The following C8orf34 variants were observed in gnomAD, a reference collection of about 807,000 sequenced individuals.
C8orf34 encodes chromosome 8 open reading frame 34.
C8orf34 carries 65 observed loss-of-function variants against 68.3 expected under a neutral mutation model. The observed-to-expected ratio is 0.95, with a 90% CI of 0.78 to 1.17. The LOEUF is 1.17. C8orf34 is among the 50% of genes most tolerant of loss of function. The pLI is 0.00. For synonymous variants in C8orf34, 244 were observed against 241.2 expected (o/e 1.01, Z -0.11); for missense variants, 664 against 655.4 (o/e 1.01, Z -0.14).
At chr8:68,807,603 G>A (rs1824523899) in intron 12 of C8orf34, among the ~76,000 whole-genome samples, 1 of 152,020 alleles carries the variant, frequency 6.6e-6, no homozygotes, top group African/African-American at 2.4e-5. Context: ...TGTGATTCCT[G>A]TGGGTGTTTC....
At chr8:68,372,601 C>T (rs1480710967) in intron 1 of C8orf34, among the ~76,000 whole-genome samples, 2 of 152,184 alleles carry the variant, frequency 1.3e-5, no homozygotes, top group East Asian at 3.8e-4. Flanking sequence ...TCCCTAGGAG[C>T]ATAACTTACT....
At chr8:68,334,838 C>G (rs192288029) in intron 1 of C8orf34, among the ~76,000 whole-genome samples, 1 of 152,296 alleles carries the variant, frequency 6.6e-6, no homozygotes, top group East Asian at 1.9e-4. Flanking sequence ...ATAAAATGGA[C>G]TTATCAAACT....
intron 7 of C8orf34, among the ~76,000 whole-genome samples, chr8:68,603,901 C>T (rs967996798): frequency 6.6e-6 from 1 of 152,014 alleles, no homozygotes; most frequent in Non-Finnish European, 1.5e-5. Context: ...ACAGTAATAT[C>T]CATGGTCTAA....
chr8:68,449,800 G>C (rs1006903625), intron 3 of C8orf34, among the ~76,000 whole-genome samples: 1 of 152,124 alleles, frequency 6.6e-6, no homozygotes, highest in Non-Finnish European at 1.5e-5. Flanking sequence ...AGATCAGGGT[G>C]TTGGCTACTG....
intron 8 of C8orf34, 35 bp from the exon 9 acceptor site, chr8:68,708,959 A>T (rs780467050): frequency 1.4e-6 from 2 of 1,437,862 alleles, no homozygotes; most frequent in Non-Finnish European, 9.7e-7. Context: ...ATTTAACATT[A>T]TGAGATGTTT....
At chr8:68,705,193 T>C (rs1270317000) in intron 8 of C8orf34, among the ~76,000 whole-genome samples, 1 of 152,162 alleles carries the variant, frequency 6.6e-6, no homozygotes, top group Non-Finnish European at 1.5e-5. Flanking sequence ...TATAAGGATT[T>C]GGGTACACCA....
chr8:68,650,672 G>T (rs975283506), intron 8 of C8orf34, among the ~76,000 whole-genome samples: 3 of 151,920 alleles, frequency 2.0e-5, no homozygotes, highest in Non-Finnish European at 2.9e-5. Context: ...GTAGAGATGG[G>T]GTTTCACCGT....
At chr8:68,504,475 C>T (rs143317267) in intron 5 of C8orf34, among the ~76,000 whole-genome samples, 2 of 152,010 alleles carry the variant, frequency 1.3e-5, no homozygotes, top group Admixed American at 1.3e-4. Context: ...CATATGGTAA[C>T]TCTGTGTTTA....
intron 12 of C8orf34, among the ~76,000 whole-genome samples, chr8:68,810,917 A>C (rs1379360787): frequency 1.3e-5 from 2 of 152,160 alleles, no homozygotes; most frequent in Admixed American, 6.5e-5. Context: ...AAGCATCATA[A>C]GTTCTCACTC....
chr8:68,543,141 AT>A (rs1389792790), intron 7 of C8orf34, among the ~76,000 whole-genome samples: 1 of 152,124 alleles, frequency 6.6e-6, no homozygotes, highest in Non-Finnish European at 1.5e-5. Flanking sequence ...AAATATGCAT[AT>A]TATTAATATG....
chr8:68,709,756 T>C (rs760468664), intron 9 of C8orf34, among the ~76,000 whole-genome samples: 9 of 152,174 alleles, frequency 5.9e-5, no homozygotes, highest in Non-Finnish European at 1.0e-4. Flanking sequence ...TAATTTCCAT[T>C]TTCTATAGTA....
chr8:68,638,951 CG>C (rs1563578434), intron 7 of C8orf34, among the ~76,000 whole-genome samples: 1 of 151,998 alleles, frequency 6.6e-6, no homozygotes, highest in African/African-American at 2.4e-5. Flanking sequence ...AGGGAAATCA[CG>C]GGTTCACTTC....
chr8:68,358,094 A>G (rs1806825269), intron 1 of C8orf34, among the ~76,000 whole-genome samples: 1 of 152,204 alleles, frequency 6.6e-6, no homozygotes, highest in East Asian at 1.9e-4. Context: ...TGAAATAAGG[A>G]CAAATATAAA....
intron 12 of C8orf34, among the ~76,000 whole-genome samples, chr8:68,797,312 C>T (rs1402069330): frequency 6.6e-6 from 1 of 152,100 alleles, no homozygotes; most frequent in African/African-American, 2.4e-5. Flanking sequence ...AGACTGTGGA[C>T]CTGTTCATGT....
At chr8:68,476,464 GA>G (rs1812621318) in intron 4 of C8orf34, among the ~76,000 whole-genome samples, 1 of 152,184 alleles carries the variant, frequency 6.6e-6, no homozygotes, top group Admixed American at 6.5e-5. Context: ...GTATTTCAAA[GA>G]AAGAGGAAGT....
At chr8:68,790,166 T>A (rs1360049247) in intron 12 of C8orf34, among the ~76,000 whole-genome samples, 1 of 152,194 alleles carries the variant, frequency 6.6e-6, no homozygotes, top group African/African-American at 2.4e-5. Flanking sequence ...GAAGCATTGG[T>A]ATCTCCACTG....
intron 7 of C8orf34, among the ~76,000 whole-genome samples, chr8:68,592,466 GT>G (rs1381052837): frequency 1.3e-5 from 2 of 151,108 alleles, no homozygotes; most frequent in African/African-American, 2.4e-5. Context: ...ATGGTTTTGA[GT>G]TTTATAAGTT....
intron 2 of C8orf34, among the ~76,000 whole-genome samples, chr8:68,445,434 A>G (rs894458700): frequency 1.3e-5 from 2 of 152,178 alleles, no homozygotes; most frequent in African/African-American, 2.4e-5. Context: ...TGATATGGGG[A>G]TGAGGAAAAA....
chr8:68,815,786 A>G (rs568928444), intron 12 of C8orf34, 100 bp from the exon 13 acceptor site: 1 of 1,599,264 alleles, frequency 6.3e-7, no homozygotes, highest in Non-Finnish European at 8.6e-7. Context: ...ATTAATTTCA[A>G]TTAATCTTCA....
Sources: gnomAD v4.1 joint callset for allele counts (sites outside exome capture counted in the v4.1 genomes callset) on GRCh38, gnomAD v4.1.1 for gene constraint, MANE v1.5 for transcripts, NCBI Gene and HGNC (gene_info 2026-07-23, HGNC 2026-07-21) for gene names.